PITPNC1: variants seen among roughly 807,000 people sequenced by gnomAD.
PITPNC1 encodes the protein cytoplasmic phosphatidylinositol transfer protein 1.
Under a neutral mutation model 44.7 loss-of-function variants are expected in PITPNC1, and 18 were observed. The observed-to-expected ratio is 0.40, with a 90% CI of 0.28 to 0.60. PITPNC1 has a LOEUF of 0.60. Ranked by LOEUF, PITPNC1 falls within the 20% of genes least tolerant of loss-of-function variation. The pLI is 0.39. For missense variants in PITPNC1, 290 were observed against 418.4 expected (o/e 0.69, Z 2.68); for synonymous variants, 141 against 149.6 (o/e 0.94, Z 0.42).
At chr17:67,613,281 A>G (rs947456514) in intron 5 of PITPNC1, 2 of 152,232 alleles carry the variant, frequency 1.3e-5, no homozygotes, top group Non-Finnish European at 2.9e-5. Context: ...CCTTACAGCC[A>G]AAGTGGTAAA....
intron 4 of PITPNC1, among the ~76,000 whole-genome samples, chr17:67,554,683 A>G (rs1044456234): frequency 6.6e-6 from 1 of 152,234 alleles, no homozygotes; most frequent in Admixed American, 6.5e-5. Context: ...GCAGGAGCAT[A>G]GTACCCAACG....
chr17:67,401,457 G>T lies in PITPNC1; in HGVS notation c.48+23255G>T, dbSNP rs562654717. The stretch of plus-strand genomic sequence containing the variant: ...GAAGATGCTTTCTCATGTTTAGTTG[G>T]TATCTGACTCCTTAGAGCTTTCAGG... On this transcript the variant is annotated intron_variant, in intron 1 of 8. Transcript: ENST00000581322. Among the ~76,000 whole-genome samples, 3 of 152,196 alleles carry T rather than the reference G, an allele frequency of 2.0e-5. No homozygotes were observed. In the East Asian group the frequency reaches 5.8e-4, roughly 29 times the overall value.
intron 1 of PITPNC1, among the ~76,000 whole-genome samples, chr17:67,401,525 A>G (rs1329697122): frequency 1.3e-5 from 2 of 152,120 alleles, no homozygotes; most frequent in Non-Finnish European, 2.9e-5. Context: ...CCCTTTCCAC[A>G]TGCTGACTCT....
At chr17:67,503,662 A>G (rs2040064723) in intron 1 of PITPNC1, among the ~76,000 whole-genome samples, 1 of 152,184 alleles carries the variant, frequency 6.6e-6, no homozygotes, top group South Asian at 2.1e-4. Flanking sequence ...AGATGTTTAT[A>G]TATCTTATTT....
intron 1 of PITPNC1, among the ~76,000 whole-genome samples, chr17:67,497,261 C>T (rs1275384318): frequency 6.6e-6 from 1 of 151,242 alleles, no homozygotes; most frequent in African/African-American, 2.4e-5. Context: ...ATTCAGTCGC[C>T]CAGGCTGGAG....
intron 1 of PITPNC1, among the ~76,000 whole-genome samples, chr17:67,448,375 G>C (rs1443949638): frequency 4.6e-5 from 7 of 152,138 alleles, no homozygotes; most frequent in African/African-American, 1.7e-4. Context: ...CTACCCAGAG[G>C]AAAGTGATTT....
intron 7 of PITPNC1, 143 bp downstream of exon 7, chr17:67,669,806 C>A (rs1376546396): frequency 2.0e-5 from 12 of 602,246 alleles, no homozygotes; most frequent in Middle Eastern, 3.7e-4. Flanking sequence ...TTGGGGTGGC[C>A]AACACCTGTA....
chr17:67,517,863 G>A (rs1446268461), intron 1 of PITPNC1, among the ~76,000 whole-genome samples: 2 of 152,128 alleles, frequency 1.3e-5, no homozygotes, highest in African/African-American at 4.8e-5. Context: ...TATACTAAAA[G>A]CCACCGAATT....
At chr17:67,482,082 C>T (rs1414678301) in intron 1 of PITPNC1, among the ~76,000 whole-genome samples, 2 of 143,660 alleles carry the variant, frequency 1.4e-5, no homozygotes, top group Non-Finnish European at 3.1e-5. Flanking sequence ...GGAACTGAAT[C>T]ATATTTTCCT....
rs1049601832 is a variant in PITPNC1, at chr17:67,544,432, G to C, written c.198-7825G>C. On this transcript the variant is annotated intron_variant, in intron 2 of 8. Transcript: ENST00000581322. ...GGGGTGGGGGTGGAGGGGCACTGGA[G>C]AAAAGATGGAGGCTATTTTTAGGCT... Among the ~76,000 whole-genome samples, 4 of 152,330 alleles carry C rather than the reference G, an allele frequency of 2.6e-5. 1 individual carries two copies. The South Asian group carries it at 8.3e-4, about 32-fold the overall frequency.
intron 8 of PITPNC1, among the ~76,000 whole-genome samples, chr17:67,685,384 G>C (rs2042794599): frequency 6.6e-6 from 1 of 152,194 alleles, no homozygotes; most frequent in Admixed American, 6.5e-5. Context: ...TGGATTTAGA[G>C]GCACACAGCA....
At chr17:67,545,616 T>C (rs1828687023) in intron 2 of PITPNC1, among the ~76,000 whole-genome samples, 1 of 152,142 alleles carries the variant, frequency 6.6e-6, no homozygotes, top group African/African-American at 2.4e-5. Context: ...TATCCATTTA[T>C]TCATTTATTT....
At chr17:67,398,916 C>T (rs563655762) in intron 1 of PITPNC1, among the ~76,000 whole-genome samples, 16 of 151,990 alleles carry the variant, frequency 1.1e-4, no homozygotes, top group African/African-American at 3.9e-4. Context: ...GAAGCTTTCT[C>T]ACCTTTCCAA....
At chr17:67,645,350 A>AG (rs1294057445) in intron 6 of PITPNC1, among the ~76,000 whole-genome samples, 1 of 150,830 alleles carries the variant, frequency 6.6e-6, no homozygotes, top group Non-Finnish European at 1.5e-5. Context: ...TCAGAAAAAA[A>AG]AAAAAAAAAA....
chr17:67,498,171 C>T lies in PITPNC1; in HGVS notation c.49-34631C>T, dbSNP rs1006880241. Among the ~76,000 whole-genome samples, 3 of 152,178 alleles carry T rather than the reference C, an allele frequency of 2.0e-5. No homozygotes were observed. The East Asian group carries it at 5.8e-4, about 29-fold the overall frequency. On this transcript the variant is annotated intron_variant, in intron 1 of 8. Transcript: ENST00000581322. ...AGGCGTGGGCCACTGCGCTTGGCCT[C>T]TATCTTATGTTTATTATCCATGTGT...
rs550471242 is a variant in PITPNC1 at position 67,449,928 on chromosome 17, G to A, written c.48+71726G>A. On this transcript the variant is annotated intron_variant, in intron 1 of 8. Transcript: ENST00000581322. The stretch of plus-strand genomic sequence containing the variant: ...TGGTCTTGAACTCTTGGCCTCAAGC[G>A]ATCCTTCTGCCTTGGCCTCCCAAAA... Among the ~76,000 whole-genome samples the A allele has an allele frequency of 3.3e-5, 5 of 152,254 alleles. No individual in the cohort carries two copies. The East Asian group carries it at 5.8e-4, about 18-fold the overall frequency.
At chr17:67,641,059 C>T (rs746368061) in intron 6 of PITPNC1, among the ~76,000 whole-genome samples, 2 of 152,038 alleles carry the variant, frequency 1.3e-5, no homozygotes, top group African/African-American at 2.4e-5. Context: ...AGTGACAGTA[C>T]GGAGCAAGGC....
intron 1 of PITPNC1, among the ~76,000 whole-genome samples, chr17:67,417,132 A>T (rs1015675698): frequency 2.0e-5 from 3 of 149,110 alleles, no homozygotes; most frequent in African/African-American, 7.4e-5. Flanking sequence ...GCATTCTCTT[A>T]AAAAAAATTT....
intron 5 of PITPNC1, among the ~76,000 whole-genome samples, chr17:67,595,683 G>A (rs1003579824): frequency 6.6e-6 from 1 of 152,012 alleles, no homozygotes; most frequent in Non-Finnish European, 1.5e-5. Context: ...GACTGATGGC[G>A]ATTCTCTATG....
Sources: allele counts gnomAD v4.1 joint callset (sites outside exome capture counted in the v4.1 genomes callset), GRCh38; gene constraint gnomAD v4.1.1; transcripts MANE v1.5; gene names NCBI Gene and HGNC (gene_info 2026-07-23, HGNC 2026-07-21).